The following DMD variants were observed in gnomAD, a reference collection of about 807,000 sequenced individuals.
The protein encoded by DMD is dystrophin.
In DMD, 63 loss-of-function variants were observed where a neutral mutation model predicts 330.1. The ratio of observed to expected loss-of-function variants is 0.19; its 90% CI spans 0.16 to 0.24. DMD has a LOEUF of 0.24. Ranked by LOEUF, DMD falls within the 10% of genes least tolerant of loss-of-function variation. The pLI is 1.00. For synonymous variants in DMD, 1,223 were observed against 959.8 expected (o/e 1.27, Z -5.07); for missense variants, 3,344 against 2,684.1 (o/e 1.25, Z -5.43).
chrX:31,123,277 ATATC>A (rs751242897), intron 78 of DMD, among the ~76,000 whole-genome samples: 1 of 112,208 alleles, frequency 8.9e-6, no homozygotes, highest in African/African-American at 3.2e-5. Flanking sequence ...CCAAGTTTGT[ATATC>A]TATCTTTTTG....
Position 31,154,406 on chromosome X carries a change from C to T in DMD, c.10554-6888G>A, listed in dbSNP as rs769797162. On this transcript the variant is annotated intron_variant, in intron 74 of 78. Coordinates refer to ENST00000357033, the MANE Select transcript of DMD (RefSeq NM_004006.3). ...TGCCTCCTGGGTTCACATTCTCCTG[C>T]CTCAGCCTCCAGAGTCACTGGGACT... 1.2e-4 allele frequency among the ~76,000 whole-genome samples: 13 copies of T among 110,248 alleles called. No individual in the cohort carries two copies. In the East Asian group the frequency reaches 3.7e-3, roughly 31 times the overall value.
chrX:31,381,510 C>T (rs1318074657), intron 60 of DMD, among the ~76,000 whole-genome samples: 1 of 111,829 alleles, frequency 8.9e-6, no homozygotes, highest in Non-Finnish European at 1.9e-5. Context: ...CAGCTGTACT[C>T]ACTCTTTGTT....
intron 2 of DMD, among the ~76,000 whole-genome samples, chrX:32,964,482 T>C (rs1186465465): frequency 9.1e-6 from 1 of 109,658 alleles, no homozygotes; most frequent in East Asian, 2.9e-4. Flanking sequence ...CAAAGGTGGG[T>C]GGATCACCTG....
Position 32,243,745 on chromosome X carries a change from G to C in DMD, c.6291-26682C>G, listed in dbSNP as rs760213973. On this transcript the variant is annotated intron_variant, in intron 43 of 78. Coordinates refer to ENST00000357033, the MANE Select transcript of DMD (RefSeq NM_004006.3). ...GTGTTTAACAGATCTCAAAATTCTT[G>C]AAAATTTAACAAGTATTTCCAGCAC... Among the ~76,000 whole-genome samples the C allele has an allele frequency of 4.5e-5, 5 of 111,156 alleles. No individual in the cohort carries two copies. In the South Asian group the frequency reaches 1.9e-3, roughly 42 times the overall value.
At chrX:31,318,562 G>A (rs1431473674) in intron 62 of DMD, among the ~76,000 whole-genome samples, 5 of 112,415 alleles carry the variant, frequency 4.4e-5, no homozygotes, top group African/African-American at 1.6e-4. Context: ...AATGGTTGTG[G>A]AAACATGCCT....
At chrX:32,802,536 G>C (rs1357581881) in intron 7 of DMD, among the ~76,000 whole-genome samples, 2 of 111,690 alleles carry the variant, frequency 1.8e-5, no homozygotes, top group Non-Finnish European at 3.8e-5. Flanking sequence ...ATGAGAGAGG[G>C]AATTTTTGTC....
chrX:32,245,498 G>A (rs1436051956), intron 43 of DMD, among the ~76,000 whole-genome samples: 1 of 92,172 alleles, frequency 1.1e-5, no homozygotes, highest in Non-Finnish European at 2.1e-5. Flanking sequence ...ATTCTGTGAA[G>A]AAAGGCATTG....
intron 7 of DMD, among the ~76,000 whole-genome samples, chrX:32,703,102 T>C (rs1190974483): frequency 9.0e-6 from 1 of 111,373 alleles, no homozygotes; most frequent in Non-Finnish European, 1.9e-5. Context: ...TGAAGATAAT[T>C]CTCAAACTAA....
chrX:33,048,681 G>C (rs756810789), intron 1 of DMD, among the ~76,000 whole-genome samples: 59 of 72,795 alleles, frequency 8.1e-4, no homozygotes, highest in African/African-American at 3.3e-3. Flanking sequence ...CTGACAGAGC[G>C]AGACTCCCCA....
intron 43 of DMD, among the ~76,000 whole-genome samples, chrX:32,218,345 G>A (rs781448643): frequency 4.2e-4 from 47 of 111,431 alleles, no homozygotes; most frequent in Non-Finnish European, 7.5e-4. Context: ...ATCTTACTGG[G>A]CTTACAGTCT....
At chrX:32,942,112 A>AGTGTGTGTGCGTGTGTGTGTGT (rs750433340) in intron 2 of DMD, among the ~76,000 whole-genome samples, 1 of 110,070 alleles carries the variant, frequency 9.1e-6, no homozygotes, top group African/African-American at 3.4e-5. Flanking sequence ...TTGAGAAGGG[A>AGTGTGTGTGCGTGTGTGTGTGT]GTGTGTGCGT....
chrX:32,250,297 G>A (rs1309249126), intron 43 of DMD, among the ~76,000 whole-genome samples: 1 of 110,697 alleles, frequency 9.0e-6, no homozygotes, highest in African/African-American at 3.3e-5. Context: ...TCTATTCTCT[G>A]TCTTCAAAGT....
chrX:32,263,395 T>C (rs1308139426), intron 43 of DMD, among the ~76,000 whole-genome samples: 5 of 112,176 alleles, frequency 4.5e-5, no homozygotes, highest in African/African-American at 1.6e-4. Context: ...CAACATATTG[T>C]TATCAATCTT....
chrX:32,610,518 T>C (rs775789029), intron 12 of DMD, among the ~76,000 whole-genome samples: 5 of 111,502 alleles, frequency 4.5e-5, no homozygotes, highest in South Asian at 3.7e-4. Flanking sequence ...TCACAGAATA[T>C]ACAGAAGCAT....
At chrX:32,789,042 G>A (rs1055981325) in intron 7 of DMD, among the ~76,000 whole-genome samples, 3 of 111,577 alleles carry the variant, frequency 2.7e-5, no homozygotes, top group Non-Finnish European at 5.6e-5. Flanking sequence ...CCTCTCACCT[G>A]GGCAACCCTT....
chrX:33,269,742 T>C (rs1157046496), intron 1 of DMD, among the ~76,000 whole-genome samples: 1 of 110,751 alleles, frequency 9.0e-6, no homozygotes, highest in Non-Finnish European at 1.9e-5. Flanking sequence ...TTTAATAGTG[T>C]TATATATGAC....
chrX:31,627,704 T>C lies in DMD; in HGVS notation c.8186A>G (p.Lys2729Arg). 3.3e-6 allele frequency: 4 copies of C among 1,211,536 alleles called. No homozygotes were observed. Among genetic ancestry groups the C allele is most frequent in the Middle Eastern group, 2.3e-4 (1 of 4,296 alleles). ...TTGTTTCATCAGCTCTTTTACTCCC[T>C]TGGAGTCTTCTAGGAGCCTTTCCTT... is the stretch of plus-strand genomic sequence containing the variant. Reference protein sequence around the residue: ...TRKERLLEDSKGVKELMKQWQ... With the variant: ...TRKERLLEDSRGVKELMKQWQ... The change falls in exon 55 of 79, where the codon AAG becomes AGG. Residue 2729 changes from lysine (K) to arginine (R), a missense_variant. Lys to Arg is a conservative substitution (Grantham distance 26). Transcript: ENST00000357033.
At chrX:33,240,202 C>T (rs906959007) in intron 1 of DMD, among the ~76,000 whole-genome samples, 4 of 111,175 alleles carry the variant, frequency 3.6e-5, no homozygotes, top group Non-Finnish European at 7.6e-5. Flanking sequence ...ATTATTTAAC[C>T]GTTATCTTCA....
At chrX:32,193,443 A>G (rs2096984647) in intron 44 of DMD, among the ~76,000 whole-genome samples, 1 of 111,906 alleles carries the variant, frequency 8.9e-6, no homozygotes, top group Non-Finnish European at 1.9e-5. Flanking sequence ...TACCTCTTAT[A>G]TATTGTGCAT....
Sources: gnomAD v4.1 joint callset for allele counts (sites outside exome capture counted in the v4.1 genomes callset) on GRCh38, gnomAD v4.1.1 for gene constraint, MANE v1.5 for transcripts, NCBI Gene and HGNC (gene_info 2026-07-23, HGNC 2026-07-21) for gene names.